The following TFEC variants were observed in gnomAD, a reference collection of about 807,000 sequenced individuals.
TFEC encodes class E basic helix-loop-helix protein 34.
TFEC carries 31 observed loss-of-function variants against 41.6 expected under a neutral mutation model. The ratio of observed to expected loss-of-function variants is 0.74; its 90% CI spans 0.56 to 1.01. TFEC has a LOEUF of 1.01. Ranked by LOEUF, TFEC falls within the 50% of genes least tolerant of loss-of-function variation. The pLI, the probability that TFEC is intolerant of heterozygous loss-of-function variation, is 0.00. For missense variants in TFEC, 402 were observed against 404.1 expected (o/e 0.99, Z 0.04); for synonymous variants, 143 against 140.6 (o/e 1.02, Z -0.12).
At chr7:116,151,116 A>G (rs1798751693) in intron 1 of TFEC, among the ~76,000 whole-genome samples, 1 of 152,224 alleles carries the variant, frequency 6.6e-6, no homozygotes, top group Admixed American at 6.5e-5. Context: ...GTAGCATATG[A>G]AAATAAAGAA....
At chr7:116,108,334 A>G (rs778060881) in intron 3 of TFEC, among the ~76,000 whole-genome samples, 3 of 152,158 alleles carry the variant, frequency 2.0e-5, no homozygotes, top group Non-Finnish European at 2.9e-5. Flanking sequence ...GGAGCTGGCA[A>G]TACTTGTAGG....
At chr7:116,046,608 A>G (rs1686043104) in intron 3 of TFEC, among the ~76,000 whole-genome samples, 2 of 152,194 alleles carry the variant, frequency 1.3e-5, no homozygotes, top group South Asian at 4.1e-4. Context: ...AATTGGTCCA[A>G]GCCTTAATCC....
At chr7:116,002,918 T>TA (rs1201218129) in intron 1 of TFEC, among the ~76,000 whole-genome samples, 1 of 152,106 alleles carries the variant, frequency 6.6e-6, no homozygotes, top group African/African-American at 2.4e-5. Flanking sequence ...GTATAACTGA[T>TA]ATGTTAAGAA....
rs188134023 is a variant in TFEC, at chr7:115,946,763, C to T, written c.515+4111G>A. 1.2e-3 allele frequency among the ~76,000 whole-genome samples: 186 copies of T among 149,540 alleles called. 1 individual carries two copies. Among genetic ancestry groups the T allele is most frequent in the Middle Eastern group, 3.4e-3 (1 of 294 alleles). ...CACACCCAGGTTGATCTTGAACTCC[C>T]GGCCTCAAACAATCTTCCTGTTTGG... On this transcript the variant is annotated intron_variant, in intron 6 of 7. Transcript: ENST00000265440.
At chr7:115,980,570 C>T (rs542365308) in intron 2 of TFEC, among the ~76,000 whole-genome samples, 2 of 151,940 alleles carry the variant, frequency 1.3e-5, no homozygotes, top group Non-Finnish European at 1.5e-5. Flanking sequence ...GCCAATACGG[C>T]GAAACTCCGT....
intron 1 of TFEC, among the ~76,000 whole-genome samples, chr7:116,017,254 C>T (rs1795226280): frequency 1.3e-5 from 2 of 152,302 alleles, no homozygotes; most frequent in South Asian, 4.1e-4. Context: ...CAGAGTCTCG[C>T]TCTGTCACCC....
chr7:116,128,072 C>A (rs780833163), intron 1 of TFEC, among the ~76,000 whole-genome samples: 3 of 152,150 alleles, frequency 2.0e-5, no homozygotes, highest in Admixed American at 6.5e-5. Flanking sequence ...TTCTATTGCA[C>A]AAACTAACAT....
chr7:116,060,188 T>G (rs1796519739), intron 3 of TFEC, among the ~76,000 whole-genome samples: 1 of 94,782 alleles, frequency 1.1e-5, no homozygotes, highest in Non-Finnish European at 2.1e-5. Flanking sequence ...ATTGTAATTT[T>G]AGATTTAAAA....
intron 3 of TFEC, among the ~76,000 whole-genome samples, chr7:116,094,712 C>A (rs558766633): frequency 6.6e-6 from 1 of 151,934 alleles, no homozygotes; most frequent in African/African-American, 2.4e-5. Flanking sequence ...AACAAACAAA[C>A]AAAAAACAAC....
chr7:116,053,440 C>A (rs1243954460), intron 3 of TFEC, among the ~76,000 whole-genome samples: 1 of 152,164 alleles, frequency 6.6e-6, no homozygotes, highest in Non-Finnish European at 1.5e-5. Context: ...ATGACAAAAG[C>A]TAGCCTTATA....
chr7:115,963,806 T>C (rs1411376119), intron 3 of TFEC, among the ~76,000 whole-genome samples: 1 of 151,582 alleles, frequency 6.6e-6, no homozygotes, highest in African/African-American at 2.4e-5. Context: ...GAGTTTTTGT[T>C]TGGGATATTG....
At chr7:116,043,308 GA>G (rs1268172022) in intron 3 of TFEC, among the ~76,000 whole-genome samples, 2 of 151,340 alleles carry the variant, frequency 1.3e-5, no homozygotes, top group Admixed American at 6.6e-5. Flanking sequence ...AAGACAATTT[GA>G]AAAAAAATTC....
chr7:116,132,098 TC>T (rs1798344252), intron 1 of TFEC, among the ~76,000 whole-genome samples: 1 of 152,144 alleles, frequency 6.6e-6, no homozygotes, highest in African/African-American at 2.4e-5. Flanking sequence ...GTATGCTGTT[TC>T]CCCTAGATCA....
intron 6 of TFEC, among the ~76,000 whole-genome samples, chr7:115,949,387 G>T: frequency 6.6e-6 from 1 of 151,952 alleles, no homozygotes; most frequent in Non-Finnish European, 1.5e-5. Flanking sequence ...AGCCTACATC[G>T]CCAAGTCAAT....
At chr7:116,137,719 C>A (rs934021083) in intron 1 of TFEC, among the ~76,000 whole-genome samples, 41 of 152,052 alleles carry the variant, frequency 2.7e-4, no homozygotes, top group Non-Finnish European at 5.1e-4. Context: ...TAGAAGGGTT[C>A]AAATGTCAAG....
intron 3 of TFEC, among the ~76,000 whole-genome samples, chr7:116,092,920 T>C (rs1797363273): frequency 1.3e-5 from 2 of 152,128 alleles, no homozygotes; most frequent in South Asian, 4.1e-4. Flanking sequence ...CCATAGGCTC[T>C]ACAACAAAAT....
At chr7:116,002,833 G>T (rs958077980) in intron 1 of TFEC, among the ~76,000 whole-genome samples, 3 of 151,980 alleles carry the variant, frequency 2.0e-5, no homozygotes, top group African/African-American at 4.8e-5. Context: ...TTTAAAAAAA[G>T]AAAGTGGACT....
At chr7:116,040,493 C>T (rs1455016064) in intron 3 of TFEC, among the ~76,000 whole-genome samples, 2 of 152,108 alleles carry the variant, frequency 1.3e-5, no homozygotes, top group African/African-American at 2.4e-5. Context: ...TATAGTGATA[C>T]ATAAAATAGA....
chr7:116,110,560 C>G lies in TFEC; in HGVS notation c.198+148G>C, dbSNP rs144926720. On this transcript the variant is annotated intron_variant, in intron 3 of 8. Transcript: ENST00000484212. Reference sequence around the variant, plus strand: ...TGGGTCAGTTAATGTAAATTGTATCCACTTACTGGAAATTGGGAGGAAGCC... The same window carrying G: ...TGGGTCAGTTAATGTAAATTGTATCGACTTACTGGAAATTGGGAGGAAGCC... The G allele has an allele frequency of 6.7e-3, 3,139 of 465,698 alleles. 21 individuals carry two copies. The highest frequency in any genetic ancestry group is 6.3e-3 in the Non-Finnish European group (1,766 of 279,746). 28.8% of individuals were successfully genotyped at this position (465,698 alleles called of 1,614,324 possible).
Sources: gnomAD v4.1 joint callset for allele counts (sites outside exome capture counted in the v4.1 genomes callset) on GRCh38, gnomAD v4.1.1 for gene constraint, MANE v1.5 for transcripts, NCBI Gene and HGNC (gene_info 2026-07-23, HGNC 2026-07-21) for gene names.